PRPF18: variants seen among roughly 807,000 people sequenced by gnomAD.
PRPF18 encodes pre-mRNA-splicing factor 18.
Under a neutral mutation model 46.5 loss-of-function variants are expected in PRPF18, and 38 were observed. The observed-to-expected ratio is 0.82, with a 90% CI of 0.63 to 1.07. The LOEUF (loss-of-function observed/expected upper bound fraction) is 1.07. Among genes scored for constraint, PRPF18 ranks in the 50% least tolerant of loss-of-function variants. The probability of loss-of-function intolerance (pLI) is 0.00; values close to 1 mark genes in which losing one functional copy is unlikely to be tolerated. For synonymous variants in PRPF18, 152 were observed against 146.7 expected (o/e 1.04, Z -0.26); for missense variants, 263 against 410.0 (o/e 0.64, Z 3.10).
At chr10:13,651,848 C>A in the PRPF18 span, 1 of 862,504 alleles carries the variant, frequency 1.2e-6, no homozygotes, top group Non-Finnish European at 2.0e-6. Context: ...ACAAAAGCAA[C>A]ACATGTGGGA....
At chr10:13,610,602 A>G (rs1157176985) in intron 5 of PRPF18, among the ~76,000 whole-genome samples, 1 of 152,122 alleles carries the variant, frequency 6.6e-6, no homozygotes, top group Non-Finnish European at 1.5e-5. Context: ...TAATTGCTAC[A>G]TAGGATTCCA....
chr10:13,591,714 G>A (rs879215786), intron 1 of PRPF18: 2 of 885,030 alleles, frequency 2.3e-6, no homozygotes, highest in Admixed American at 2.2e-5. Context: ...TTACATCGCT[G>A]ATAACAATTT....
intron 9 of PRPF18, among the ~76,000 whole-genome samples, chr10:13,622,551 G>GT (rs1257061349): frequency 1.3e-5 from 2 of 152,186 alleles, no homozygotes; most frequent in African/African-American, 4.8e-5. Context: ...TTGAGTTGTT[G>GT]TTTGTAATTT....
At chr10:13,617,241 G>A (rs2080356850) in intron 9 of PRPF18, among the ~76,000 whole-genome samples, 1 of 152,190 alleles carries the variant, frequency 6.6e-6, no homozygotes, top group African/African-American at 2.4e-5. Flanking sequence ...TGATACTCCG[G>A]AAGTTTACTT....
the PRPF18 span, chr10:13,654,560 C>T: frequency 1.2e-5 from 15 of 1,264,066 alleles, no homozygotes; most frequent in South Asian, 1.2e-4. Flanking sequence ...AGGGATCAGA[C>T]ACAGGTGAAA....
intron 5 of PRPF18, 125 bp from the exon 6 acceptor site, chr10:13,611,490 C>A (rs2478121): frequency 0.74 from 534,694 of 722,972 alleles, 198,685 homozygotes; most frequent in East Asian, 0.84. Context: ...AAATTCCATC[C>A]GATTTTTAAG....
the PRPF18 span, chr10:13,641,470 C>A: frequency 6.6e-6 from 1 of 152,184 alleles, no homozygotes; most frequent in Non-Finnish European, 1.5e-5. Context: ...ATATCAGTCT[C>A]ATCAGCATAA....
chr10:13,631,537 G>C (rs1211086257), downstream of PRPF18: 1 of 152,238 alleles, frequency 6.6e-6, no homozygotes, highest in East Asian at 1.9e-4. Context: ...TGTTCAAGCA[G>C]AATGCTGAGC....
Position 13,616,645 on chromosome 10 carries a change from G to A in PRPF18, c.948+92G>A, listed in dbSNP as rs11258477. 0.013 allele frequency: 19,225 copies of A among 1,499,974 alleles called. 1,056 individuals are homozygous for A. In the African/African-American group the frequency reaches 0.15, roughly 12 times the overall value. 92.9% of individuals were successfully genotyped at this position (1,499,974 alleles called of 1,614,324 possible). On this transcript the variant is annotated intron_variant, in intron 9 of 9. Coordinates refer to ENST00000378572, the MANE Select transcript of PRPF18 (RefSeq NM_003675.4). ...TCTGGAAAGCAGGCAGAGAATTACA[G>A]CAAATAGAACATAGCGTGATAGGAT...
At chr10:13,642,823 G>A in the PRPF18 span, 1 of 152,230 alleles carries the variant, frequency 6.6e-6, no homozygotes, top group Non-Finnish European at 1.5e-5. Flanking sequence ...TTAGGGTGTA[G>A]GAAGTAGAGA....
intron 1 of PRPF18, among the ~76,000 whole-genome samples, chr10:13,595,220 T>G (rs2502214): frequency 1.3e-5 from 2 of 152,138 alleles, no homozygotes; most frequent in Non-Finnish European, 2.9e-5. Flanking sequence ...TAGTATATCA[T>G]GAAAATAAAT....
chr10:13,596,164 T>C (rs944364860), intron 1 of PRPF18, among the ~76,000 whole-genome samples: 3 of 152,190 alleles, frequency 2.0e-5, no homozygotes, highest in Non-Finnish European at 4.4e-5. Context: ...ACTTGGCTGA[T>C]TTTTTCCATG....
At chr10:13,604,886 A>AC (rs2080162600) in intron 3 of PRPF18, among the ~76,000 whole-genome samples, 1 of 152,240 alleles carries the variant, frequency 6.6e-6, no homozygotes, top group Non-Finnish European at 1.5e-5. Flanking sequence ...TTAAAAGAAG[A>AC]CTAAGAACAG....
chr10:13,629,005 C>T (rs1303620003), intron 9 of PRPF18, among the ~76,000 whole-genome samples: 1 of 152,118 alleles, frequency 6.6e-6, no homozygotes, highest in Admixed American at 6.5e-5. Flanking sequence ...AGAAGAATAA[C>T]TAAAGCTAAA....
At chr10:13,651,766 A>C in the PRPF18 span, 10 of 628,474 alleles carry the variant, frequency 1.6e-5, no homozygotes, top group Admixed American at 1.6e-4. Context: ...ACATAGTTCC[A>C]GTTCCCCATG....
chr10:13,645,839 C>T, the PRPF18 span: 8 of 152,618 alleles, frequency 5.2e-5, no homozygotes, highest in East Asian at 1.9e-4. Flanking sequence ...CTGAATGGAT[C>T]GCAATGTGCT....
At chr10:13,595,285 T>A (rs2080017376) in intron 1 of PRPF18, among the ~76,000 whole-genome samples, 1 of 152,230 alleles carries the variant, frequency 6.6e-6, no homozygotes, top group Non-Finnish European at 1.5e-5. Context: ...TGAGATGTTC[T>A]AGGCTTGAGA....
the PRPF18 span, chr10:13,647,687 G>A: frequency 2.0e-5 from 3 of 149,280 alleles, no homozygotes; most frequent in African/African-American, 7.5e-5. Flanking sequence ...GATTATAAAA[G>A]TGTGTTCATT....
At chr10:13,651,588 G>A in the PRPF18 span, 11 of 274,086 alleles carry the variant, frequency 4.0e-5, no homozygotes, top group Non-Finnish European at 5.5e-5. Context: ...CAGGAGAATC[G>A]CTTGAACCTG....
Sources: allele counts gnomAD v4.1 joint callset (sites outside exome capture counted in the v4.1 genomes callset), GRCh38; gene constraint gnomAD v4.1.1; transcripts MANE v1.5; gene names NCBI Gene and HGNC (gene_info 2026-07-23, HGNC 2026-07-21).